DCC: variants seen among roughly 807,000 people sequenced by gnomAD.
DCC encodes the protein netrin receptor DCC.
In DCC, 58 loss-of-function variants were observed where a neutral mutation model predicts 172.5. The observed-to-expected ratio is 0.34, with a 90% confidence interval of 0.27 to 0.42. DCC has a LOEUF of 0.42. DCC is among the 10% of genes least tolerant of loss of function. The pLI, the probability that DCC is intolerant of heterozygous loss-of-function variation, is 1.00. For synonymous variants in DCC, 709 were observed against 644.5 expected (o/e 1.10, Z -1.52); for missense variants, 1,740 against 1,791.0 (o/e 0.97, Z 0.51).
chr18:53,213,158 A>T (rs1405543280), intron 11 of DCC, among the ~76,000 whole-genome samples: 6 of 152,214 alleles, frequency 3.9e-5, no homozygotes, highest in Admixed American at 3.9e-4. Flanking sequence ...CTAGAACAGT[A>T]CCTACAACAA....
intron 2 of DCC, among the ~76,000 whole-genome samples, chr18:52,883,350 ATG>A (rs1172759213): frequency 0.027 from 918 of 34,118 alleles, 12 homozygotes; most frequent in African/African-American, 0.034. Context: ...TTATTTATTT[ATG>A]TGTGTGTGTG....
At chr18:52,832,423 T>A (rs2038631884) in intron 2 of DCC, among the ~76,000 whole-genome samples, 1 of 137,980 alleles carries the variant, frequency 7.2e-6, no homozygotes, top group Admixed American at 7.8e-5. Flanking sequence ...ATAATACCTA[T>A]CAAAACTCTG....
chr18:52,722,404 A>T (rs1333561672), intron 1 of DCC, among the ~76,000 whole-genome samples: 1 of 152,116 alleles, frequency 6.6e-6, no homozygotes, highest in East Asian at 1.9e-4. Context: ...TCTCATCCTC[A>T]GACTCCCAGT....
intron 1 of DCC, among the ~76,000 whole-genome samples, chr18:52,485,200 C>T (rs556787942): frequency 3.4e-4 from 52 of 152,130 alleles, no homozygotes; most frequent in African/African-American, 1.1e-3. Context: ...TGGCAAACAG[C>T]TTAAATTAAT....
intron 27 of DCC, among the ~76,000 whole-genome samples, chr18:53,501,916 C>T (rs565242898): frequency 1.9e-4 from 29 of 152,072 alleles, no homozygotes; most frequent in Non-Finnish European, 2.9e-4. Context: ...AATGCCAAAG[C>T]TGCCTAAAAC....
At chr18:52,927,168 T>TGTATATATGTGCATATAC (rs1555682865) in intron 5 of DCC, among the ~76,000 whole-genome samples, 1 of 82,452 alleles carries the variant, frequency 1.2e-5, no homozygotes, top group East Asian at 3.1e-4. Context: ...CGTATATATG[T>TGTATATATGTGCATATAC]GTATATATGT....
At position 52,672,029 on chromosome 18, in the gene DCC, A is replaced by G. The variant is rs186883999; in HGVS notation, c.92-80025A>G. Among the ~76,000 whole-genome samples the G allele has an allele frequency of 7.2e-5, 11 of 152,296 alleles. No individual in the cohort carries two copies. The East Asian group carries it at 1.9e-3, about 27-fold the overall frequency. On this transcript the variant is annotated intron_variant, in intron 1 of 28. Transcript: ENST00000442544. ...TAGATTCTCCCTATCTCCATCCCAG[A>G]CCACTTTGGCATAACCAATCAGTTT...
At chr18:53,305,235 A>T (rs1010426524) in intron 12 of DCC, among the ~76,000 whole-genome samples, 14 of 152,192 alleles carry the variant, frequency 9.2e-5, no homozygotes, top group African/African-American at 3.4e-4. Flanking sequence ...TCCGATTTGC[A>T]CCTTCCAAAT....
chr18:52,688,318 A>G (rs540520501), intron 1 of DCC, among the ~76,000 whole-genome samples: 1 of 152,252 alleles, frequency 6.6e-6, no homozygotes, highest in African/African-American at 2.4e-5. Context: ...CTGAAAAGCC[A>G]ATAGCAATAT....
intron 1 of DCC, among the ~76,000 whole-genome samples, chr18:52,464,797 T>C (rs912702500): frequency 2.6e-5 from 4 of 152,066 alleles, no homozygotes; most frequent in Non-Finnish European, 5.9e-5. Context: ...TTATTATACT[T>C]ACATTTGCCA....
chr18:52,433,455 C>T lies in DCC; in HGVS notation c.91+92577C>T, dbSNP rs565101840. Among the ~76,000 whole-genome samples the T allele has an allele frequency of 3.9e-5, 6 of 152,222 alleles. 1 individual carries two copies. In the South Asian group the frequency reaches 1.2e-3, roughly 32 times the overall value. On this transcript the variant is annotated intron_variant, in intron 1 of 28. Coordinates refer to ENST00000442544, the MANE Select transcript of DCC (RefSeq NM_005215.4). The stretch of plus-strand genomic sequence containing the variant: ...CTGGGACTAGAGTTTTGAGCTAATT[C>T]AGTGCTCTTTATAATACATCAAGTC...
At chr18:52,765,681 G>T (rs1436863112) in intron 2 of DCC, among the ~76,000 whole-genome samples, 1 of 152,120 alleles carries the variant, frequency 6.6e-6, no homozygotes, top group African/African-American at 2.4e-5. Context: ...ATCTCATAAA[G>T]ACACAGACCA....
At chr18:52,542,726 C>T (rs565501391) in intron 1 of DCC, among the ~76,000 whole-genome samples, 3 of 152,138 alleles carry the variant, frequency 2.0e-5, no homozygotes, top group African/African-American at 7.2e-5. Context: ...GTAATCCCAG[C>T]TACTCGAGAG....
chr18:53,058,364 G>A (rs1290818128), intron 5 of DCC, among the ~76,000 whole-genome samples: 1 of 152,058 alleles, frequency 6.6e-6, no homozygotes, highest in Non-Finnish European at 1.5e-5. Context: ...TTATTCTGTG[G>A]ACATTGAAAG....
chr18:52,672,649 C>T (rs1176675411), intron 1 of DCC, among the ~76,000 whole-genome samples: 1 of 150,106 alleles, frequency 6.7e-6, no homozygotes, highest in Non-Finnish European at 1.5e-5. Context: ...CCTCTTTTTC[C>T]CCTTCCCCCT....
intron 5 of DCC, among the ~76,000 whole-genome samples, chr18:53,029,713 C>T (rs556501713): frequency 4.2e-4 from 64 of 152,094 alleles, no homozygotes; most frequent in Non-Finnish European, 8.4e-4. Flanking sequence ...AAACCCTATC[C>T]TATCATTTTG....
chr18:52,425,314 C>G (rs966212978), intron 1 of DCC, among the ~76,000 whole-genome samples: 3 of 152,092 alleles, frequency 2.0e-5, no homozygotes, highest in Non-Finnish European at 4.4e-5. Flanking sequence ...TTCTGTCATC[C>G]TCAGATAGAT....
intron 2 of DCC, chr18:52,816,643 T>C (rs1042551904): frequency 1.3e-5 from 2 of 152,168 alleles, no homozygotes; most frequent in African/African-American, 4.8e-5. Context: ...GAGGGAAATG[T>C]GAGGCTGAGA....
chr18:53,132,775 A>G (rs902154580), intron 7 of DCC, among the ~76,000 whole-genome samples: 2 of 152,130 alleles, frequency 1.3e-5, no homozygotes, highest in African/African-American at 2.4e-5. Flanking sequence ...TCTTCCAAAA[A>G]TAGGGGTAGC....
Sources: gnomAD v4.1 joint callset for allele counts (sites outside exome capture counted in the v4.1 genomes callset) on GRCh38, gnomAD v4.1.1 for gene constraint, MANE v1.5 for transcripts, NCBI Gene and HGNC (gene_info 2026-07-23, HGNC 2026-07-21) for gene names.